MTHFD1L: variants seen among roughly 807,000 people sequenced by gnomAD.
The protein encoded by MTHFD1L is methylenetetrahydrofolate dehydrogenase (NADP+ dependent) 1 like.
In MTHFD1L, 81 loss-of-function variants were observed where a neutral mutation model predicts 119.5. The observed-to-expected ratio is 0.68, with a 90% CI of 0.57 to 0.82. The LOEUF is 0.82. Among genes scored for constraint, MTHFD1L ranks in the 40% least tolerant of loss-of-function variants. MTHFD1L has a pLI of 0.00. For missense variants in MTHFD1L, 1,125 were observed against 1,253.4 expected, an observed-to-expected ratio of 0.90 and a Z score of 1.55; for synonymous variants, 430 against 475.2, an observed-to-expected ratio of 0.90 and a Z score of 1.24.
At chr6:150,900,789 G>A (rs1427031324) in intron 7 of MTHFD1L, among the ~76,000 whole-genome samples, 2 of 152,096 alleles carry the variant, frequency 1.3e-5, no homozygotes, top group Admixed American at 1.3e-4. Flanking sequence ...GCTGAGGCGG[G>A]CAGATCACGA....
intron 24 of MTHFD1L, among the ~76,000 whole-genome samples, chr6:151,024,511 C>T (rs961999825): frequency 2.6e-5 from 4 of 151,770 alleles, no homozygotes; most frequent in Non-Finnish European, 5.9e-5. Flanking sequence ...CCACTGCATT[C>T]CAGCCTAAGC....
At chr6:151,013,909 C>A in intron 22 of MTHFD1L, 89 bp downstream of exon 22, 2 of 1,175,822 alleles carry the variant, frequency 1.7e-6, no homozygotes, top group Non-Finnish European at 2.5e-6. Context: ...CCTTCAGTGG[C>A]CTCTTAGAAA....
In MTHFD1L at chr6:150,894,129, G is replaced by A. The variant is rs114854209; in HGVS notation, c.780+6148G>A. ...TGGTGGCTGTAGTCCCAGGTACTTT[G>A]GAGGCTGAGGTGGGATGATCACCTG... On this transcript the variant is annotated intron_variant, in intron 7 of 27. Transcript: ENST00000367321. Among the ~76,000 whole-genome samples, 848 of 152,244 alleles carry A rather than the reference G, an allele frequency of 5.6e-3. 9 individuals carry two copies. Among genetic ancestry groups the A allele is most frequent in the African/African-American group, 0.019 (797 of 41,536 alleles).
intron 13 of MTHFD1L, among the ~76,000 whole-genome samples, chr6:150,944,082 A>G (rs1393141003): frequency 2.0e-5 from 3 of 152,224 alleles, no homozygotes; most frequent in African/African-American, 7.2e-5. Context: ...TGTCACGTGG[A>G]AGGCTTTGAC....
intron 7 of MTHFD1L, among the ~76,000 whole-genome samples, chr6:150,900,731 T>C (rs1319347579): frequency 6.6e-6 from 1 of 152,172 alleles, no homozygotes; most frequent in Non-Finnish European, 1.5e-5. Context: ...TAAGAAAAAG[T>C]GCGGCCGGGC....
chr6:151,085,556 A>G (rs1029251122), intron 26 of MTHFD1L, among the ~76,000 whole-genome samples: 2 of 152,180 alleles, frequency 1.3e-5, no homozygotes, highest in Admixed American at 6.5e-5. Flanking sequence ...GGATCACCTG[A>G]GGTCAGGAGT....
intron 7 of MTHFD1L, among the ~76,000 whole-genome samples, chr6:150,903,897 A>C (rs1292043187): frequency 6.6e-6 from 1 of 152,268 alleles, no homozygotes; most frequent in Non-Finnish European, 1.5e-5. Context: ...AATTGATCAA[A>C]TATTTCCAAG....
intron 26 of MTHFD1L, chr6:151,056,164 T>A (rs1041849952): frequency 1.3e-5 from 2 of 152,126 alleles, no homozygotes; most frequent in Non-Finnish European, 2.9e-5. Context: ...GTGTGGATCC[T>A]GGACTTTCTG....
chr6:151,070,204 AAGT>A (rs1791810323), intron 26 of MTHFD1L, among the ~76,000 whole-genome samples: 2 of 152,222 alleles, frequency 1.3e-5, no homozygotes, highest in South Asian at 4.1e-4. Flanking sequence ...ATAATCCACA[AAGT>A]AGATTCTAAG....
intron 7 of MTHFD1L, among the ~76,000 whole-genome samples, chr6:150,898,345 C>T (rs1026855605): frequency 6.6e-6 from 1 of 152,122 alleles, no homozygotes; most frequent in Admixed American, 6.6e-5. Flanking sequence ...GACTTGAACG[C>T]AGGTCGCAGG....
At chr6:151,098,352 G>C (rs1434477719) in intron 27 of MTHFD1L, among the ~76,000 whole-genome samples, 1 of 152,114 alleles carries the variant, frequency 6.6e-6, no homozygotes, top group African/African-American at 2.4e-5. Context: ...GGGTGCCTGA[G>C]CTCTGTGGTT....
At chr6:150,965,497 A>G (rs1314762189) in intron 19 of MTHFD1L, among the ~76,000 whole-genome samples, 3 of 151,966 alleles carry the variant, frequency 2.0e-5, no homozygotes, top group Non-Finnish European at 2.9e-5. Flanking sequence ...CATCTCTACT[A>G]AAAATACAAA....
rs369945330 is a variant in MTHFD1L, at chr6:151,100,293, G to A, written c.*32-1233G>A. Reference sequence around the variant, plus strand: ...CCTCGTGATCCACCCGTGAGCCACCGCGCCTGGCCTGAAATATTTTATTTT... The same window carrying A: ...CCTCGTGATCCACCCGTGAGCCACCACGCCTGGCCTGAAATATTTTATTTT... On this transcript the variant is annotated intron_variant, in intron 27 of 27. Coordinates refer to ENST00000367321, the MANE Select transcript of MTHFD1L (RefSeq NM_015440.5). Among the ~76,000 whole-genome samples the A allele has an allele frequency of 3.4e-3, 520 of 152,064 alleles. 1 individual carries two copies. Among genetic ancestry groups the A allele is most frequent in the African/African-American group, 0.012 (489 of 41,480 alleles).
intron 17 of MTHFD1L, 94 bp from the exon 18 acceptor site, chr6:150,960,181 T>C (rs1341505233): frequency 3.4e-6 from 5 of 1,470,150 alleles, no homozygotes; most frequent in South Asian, 1.3e-5. Context: ...TCTCTGGGCC[T>C]GTGGTTGCTT....
rs1487732563 is a variant in MTHFD1L at position 150,944,608 on chromosome 6, T to C, written c.1548+15T>C. The C allele has an allele frequency of 3.2e-6, 5 of 1,586,268 alleles. No homozygotes were observed. The highest frequency in any genetic ancestry group is 3.5e-6 in the Non-Finnish European group (4 of 1,156,398). The stretch of plus-strand genomic sequence containing the variant: ...AAACAGATAAGGTGAGAAGGATGCC[T>C]TGCTAGCCATTTTGGGTATTGTATC... On this transcript the variant is annotated intron_variant, in intron 14 of 27. Transcript: ENST00000367321.
intron 20 of MTHFD1L, among the ~76,000 whole-genome samples, chr6:150,974,219 G>A (rs369875211): frequency 2.2e-3 from 328 of 152,196 alleles, no homozygotes; most frequent in African/African-American, 7.5e-3. Context: ...CTTCCCTCTC[G>A]AAAGGACTTG....
At chr6:151,021,181 G>T (rs773925819) in intron 24 of MTHFD1L, among the ~76,000 whole-genome samples, 6 of 152,218 alleles carry the variant, frequency 3.9e-5, no homozygotes, top group Non-Finnish European at 5.9e-5. Flanking sequence ...GTGTCTGACA[G>T]TGACACCAAC....
In MTHFD1L at chr6:151,025,948, G is replaced by A. The variant is rs77250434; in HGVS notation, c.2587-8545G>A. Among the ~76,000 whole-genome samples the A allele has an allele frequency of 3.9e-4, 60 of 152,256 alleles. No homozygotes were observed. In the East Asian group the frequency reaches 7.3e-3, roughly 19 times the overall value. On this transcript the variant is annotated intron_variant, in intron 24 of 27. Transcript: ENST00000367321. ...GAGTAAGATGAGACGCCCCTACTAC[G>A]TTATAAAGCCTTCATGGATCTTTAT...
chr6:150,971,523 CTT>C (rs1798003720), intron 19 of MTHFD1L, among the ~76,000 whole-genome samples: 1 of 151,986 alleles, frequency 6.6e-6, no homozygotes, highest in Non-Finnish European at 1.5e-5. Flanking sequence ...TTATGGTTAC[CTT>C]TTCTTGAATG....
Sources: allele counts gnomAD v4.1 joint callset (sites outside exome capture counted in the v4.1 genomes callset), GRCh38; gene constraint gnomAD v4.1.1; transcripts MANE v1.5; gene names NCBI Gene and HGNC (gene_info 2026-07-23, HGNC 2026-07-21).